The following LIPK variants were observed in gnomAD, a reference collection of about 807,000 sequenced individuals.
LIPK encodes lipase family member K.
A neutral mutation model predicts 48.6 loss-of-function variants in LIPK; 32 were observed. The ratio of observed to expected loss-of-function variants is 0.66; its 90% CI spans 0.50 to 0.88. The LOEUF (loss-of-function observed/expected upper bound fraction) is 0.88, where lower values mean the gene tolerates loss of function less well. Ranked by LOEUF, LIPK falls within the 40% of genes least tolerant of loss-of-function variation. The probability of loss-of-function intolerance (pLI) is 0.00; values close to 1 mark genes in which losing one functional copy is unlikely to be tolerated. For missense variants in LIPK, 507 were observed against 478.5 expected (o/e 1.06, Z -0.56); for synonymous variants, 164 against 157.4 (o/e 1.04, Z -0.32).
intron 1 of LIPK, among the ~76,000 whole-genome samples, chr10:88,707,526 T>C (rs192620416): frequency 1.7e-4 from 26 of 152,270 alleles, no homozygotes; most frequent in Admixed American, 1.6e-3. Flanking sequence ...AATATAATGC[T>C]CTTTAAATGT....
chr10:88,707,193 A>G (rs1199026555), intron 1 of LIPK, among the ~76,000 whole-genome samples: 2 of 152,128 alleles, frequency 1.3e-5, no homozygotes, highest in Non-Finnish European at 2.9e-5. Flanking sequence ...GAAAACAGAA[A>G]CCAACTCAAA....
In LIPK at chr10:88,717,130, G is replaced by A. The variant is rs1403571186; in HGVS notation, c.-11-7403G>A. Among the ~76,000 whole-genome samples, 15 of 152,246 alleles carry A rather than the reference G, an allele frequency of 9.9e-5. No homozygotes were observed. In the East Asian group the frequency reaches 2.9e-3, roughly 29 times the overall value. ...ACATGTTTGATTCCAGGATTTGTCT[G>A]TTTTGTCATCCAGTTCATTTAAATA... On this transcript the variant is annotated intron_variant, in intron 1 of 9. Transcript: ENST00000404190.
chr10:88,732,889 G>A (rs1030785725), intron 6 of LIPK, among the ~76,000 whole-genome samples: 1 of 152,144 alleles, frequency 6.6e-6, no homozygotes, highest in African/African-American at 2.4e-5. Flanking sequence ...GGGCAGTGGT[G>A]GTTGAGTTCA....
In LIPK at chr10:88,742,765, A is replaced by T. The variant is rs562594303; in HGVS notation, c.889-485A>T. ...GTGGGTGAATATTTCTTTTAATAGT[A>T]AAAAAAAAAAGTTTAAGGATAGGGA... On this transcript the variant is annotated intron_variant, in intron 8 of 9. Coordinates refer to ENST00000404190, the MANE Select transcript of LIPK (RefSeq NM_001080518.2). Among the ~76,000 whole-genome samples, 87 of 24,818 alleles carry T rather than the reference A, an allele frequency of 3.5e-3. 1 individual carries two copies. The highest frequency in any genetic ancestry group is 0.011 in the African/African-American group (75 of 6,928). 16.3% of individuals were successfully genotyped at this position (24,818 alleles called of 152,430 possible). A position where few individuals can be genotyped will look rare whatever the true frequency, so the allele number is the denominator to read the frequency against.
At chr10:88,732,581 A>G in intron 6 of LIPK, 30 bp downstream of exon 6, 1 of 1,577,324 alleles carries the variant, frequency 6.3e-7, no homozygotes, top group Non-Finnish European at 8.6e-7. Context: ...TTAATCTGAA[A>G]TAACTAAAAG....
At chr10:88,749,508 G>A (rs988110528) in intron 9 of LIPK, among the ~76,000 whole-genome samples, 9 of 152,254 alleles carry the variant, frequency 5.9e-5, no homozygotes, top group African/African-American at 1.7e-4. Context: ...AACAAGCAAT[G>A]GGGAAAGGAT....
chr10:88,752,646 T>C lies in LIPK; in HGVS notation c.1090T>C (p.Tyr364His). The C allele has an allele frequency of 1.3e-6, 2 of 1,573,588 alleles. No homozygotes were observed. Among genetic ancestry groups the C allele is most frequent in the Non-Finnish European group, 1.7e-6 (2 of 1,157,278 alleles). The stretch of plus-strand genomic sequence containing the variant: ...TCCTCAAATTGCTAACCTTATTTAT[T>C]ACAAGCTGATTCCACACTACAATCA... ...LLPQIANLIY[Y>H]KLIPHYNHVD... The change falls in exon 10 of 10, where the codon TAC becomes CAC. Residue 364 changes from tyrosine to histidine, a missense_variant. By Grantham distance (83) the Tyr-to-His change is moderately conservative (BLOSUM62 2). Transcript: ENST00000404190.
At chr10:88,712,734 C>T (rs1373828601) in intron 1 of LIPK, among the ~76,000 whole-genome samples, 1 of 152,068 alleles carries the variant, frequency 6.6e-6, no homozygotes, top group Non-Finnish European at 1.5e-5. Flanking sequence ...TACTTTTCTG[C>T]TTATTTTCTT....
intron 9 of LIPK, among the ~76,000 whole-genome samples, chr10:88,748,310 A>C (rs892833947): frequency 6.6e-6 from 1 of 152,178 alleles, no homozygotes; most frequent in East Asian, 1.9e-4. Context: ...ATGAGTCAAT[A>C]GGAGCATCAA....
intron 6 of LIPK, among the ~76,000 whole-genome samples, chr10:88,735,515 G>GA (rs927189777): frequency 2.6e-5 from 4 of 151,738 alleles, no homozygotes; most frequent in South Asian, 2.1e-4. Context: ...TTTATAGGTG[G>GA]AAAAAAAAGT....
chr10:88,746,362 G>A (rs1048836376), intron 9 of LIPK, among the ~76,000 whole-genome samples: 2 of 151,260 alleles, frequency 1.3e-5, no homozygotes, highest in East Asian at 1.9e-4. Context: ...CTCTAAAATC[G>A]ACCACACACT....
At chr10:88,719,513 C>G (rs1590134380) in intron 1 of LIPK, among the ~76,000 whole-genome samples, 1 of 152,214 alleles carries the variant, frequency 6.6e-6, no homozygotes, top group East Asian at 1.9e-4. Flanking sequence ...AGAATTTTAA[C>G]TCAGAATTCT....
intron 1 of LIPK, among the ~76,000 whole-genome samples, chr10:88,709,662 G>A (rs539060468): frequency 1.3e-5 from 2 of 150,778 alleles, no homozygotes; most frequent in Admixed American, 6.6e-5. Context: ...CAAAGAATTC[G>A]AAACCGACTT....
chr10:88,714,686 T>C (rs1296470766), intron 1 of LIPK, among the ~76,000 whole-genome samples: 1 of 152,156 alleles, frequency 6.6e-6, no homozygotes, highest in African/African-American at 2.4e-5. Flanking sequence ...TTTCAGAATA[T>C]TCTCTTATTT....
chr10:88,733,583 T>A (rs1842511173), intron 6 of LIPK, among the ~76,000 whole-genome samples: 1 of 152,226 alleles, frequency 6.6e-6, no homozygotes. Context: ...TGCCTGTTGG[T>A]ACTTGGGCCT....
chr10:88,708,899 C>A (rs905452036), intron 1 of LIPK, among the ~76,000 whole-genome samples: 3 of 152,028 alleles, frequency 2.0e-5, no homozygotes, highest in Non-Finnish European at 4.4e-5. Flanking sequence ...TACATTAAAA[C>A]TTAAATTGTT....
intron 6 of LIPK, among the ~76,000 whole-genome samples, chr10:88,733,216 C>T (rs1842504328): frequency 6.6e-6 from 1 of 152,154 alleles, no homozygotes; most frequent in African/African-American, 2.4e-5. Context: ...TTTGACAATT[C>T]CCAAAACCCA....
At chr10:88,707,037 A>G (rs1196275510) in intron 1 of LIPK, among the ~76,000 whole-genome samples, 2 of 152,170 alleles carry the variant, frequency 1.3e-5, no homozygotes, top group African/African-American at 4.8e-5. Context: ...TATTCCCTCT[A>G]GACATAGAGA....
intron 8 of LIPK, among the ~76,000 whole-genome samples, chr10:88,740,891 G>A (rs888923972): frequency 1.3e-5 from 2 of 152,012 alleles, no homozygotes; most frequent in East Asian, 3.9e-4. Flanking sequence ...ACTATAGATA[G>A]CCTGAAATAC....
Sources: allele counts gnomAD v4.1 joint callset (sites outside exome capture counted in the v4.1 genomes callset), GRCh38; gene constraint gnomAD v4.1.1; transcripts MANE v1.5; gene names NCBI Gene and HGNC (gene_info 2026-07-23, HGNC 2026-07-21).